The following SHD variants were observed in gnomAD, a reference collection of about 807,000 sequenced individuals.
The protein encoded by SHD is SH2 domain-containing adapter protein D.
Under a neutral mutation model 31.2 loss-of-function variants are expected in SHD, and 29 were observed. That is an observed-to-expected ratio of 0.93 (90% confidence interval 0.69 to 1.27). The LOEUF is 1.27. Among genes scored for constraint, SHD ranks in the 50% most tolerant of loss-of-function variants. SHD has a pLI of 0.00. For missense variants in SHD, 520 were observed against 453.8 expected (o/e 1.15, Z -1.33); for synonymous variants, 208 against 187.8 (o/e 1.11, Z -0.88).
chr19:4,289,027 C>T (rs1971348566), intron 5 of SHD, among the ~76,000 whole-genome samples: 1 of 151,740 alleles, frequency 6.6e-6, no homozygotes, highest in African/African-American at 2.4e-5. Context: ...TTCCAGCTAC[C>T]TCGGAGGCTG....
intron 4 of SHD, 151 bp downstream of exon 4, chr19:4,285,055 G>T: frequency 2.9e-6 from 3 of 1,020,134 alleles, no homozygotes; most frequent in African/African-American, 3.3e-5. Context: ...ATCTTTACGG[G>T]CTCCAGAGCC....
rs543912262 is a variant in SHD at position 4,286,181 on chromosome 19, C to T, written c.716+1277C>T. Among the ~76,000 whole-genome samples the T allele has an allele frequency of 1.4e-4, 22 of 151,914 alleles. No individual in the cohort carries two copies. The South Asian group carries it at 4.4e-3, about 30-fold the overall frequency. On this transcript the variant is annotated intron_variant, in intron 4 of 5. Transcript: ENST00000543264. ...TGTTGGGATGACAGCCATGAGCCAC[C>T]GCACCTGGCCCGCTCTTTCTTTTTC...
Position 4,279,990 on chromosome 19 carries a change from TGGGGAAAGGGGCCC to T in SHD, c.-71_-58del. 6.8e-7 allele frequency: 1 copy of T among 1,460,838 alleles called. No individual in the cohort carries two copies. Among genetic ancestry groups the T allele is most frequent in the South Asian group, 1.4e-5 (1 of 70,836 alleles). 90.5% of individuals were successfully genotyped at this position (1,460,838 alleles called of 1,614,324 possible). A position where few individuals can be genotyped will look rare whatever the true frequency, so the allele number is the denominator to read the frequency against. The stretch of plus-strand genomic sequence containing the variant: ...TTCCTCTCCACCTCCTCCTCCTCCT[TGGGGAAAGGGGCCC>T]GGAGAAGGGCATGTGGGGGCCCCTC... On this transcript the variant is annotated 5_prime_UTR_variant, in exon 1 of 6. Coordinates refer to ENST00000543264, the MANE Select transcript of SHD (RefSeq NM_020209.4). This position sits in a 1 kb window ranked among gnomAD's most constrained non-coding sequence, Gnocchi z 7.5.
intron 4 of SHD, among the ~76,000 whole-genome samples, chr19:4,287,117 A>G (rs1314044552): frequency 6.6e-6 from 1 of 151,344 alleles, no homozygotes; most frequent in East Asian, 2.0e-4. Flanking sequence ...GCGGATCACA[A>G]GGTTAGAGAT....
chr19:4,289,462 T>G, intron 5 of SHD, among the ~76,000 whole-genome samples: 1 of 151,680 alleles, frequency 6.6e-6, no homozygotes, highest in Non-Finnish European at 1.5e-5. Context: ...GCCAGGCTGG[T>G]CTCAAACTCC....
In SHD at chr19:4,289,103, A is replaced by ATT. The variant is rs71166980; in HGVS notation, c.836+765_836+766dup. The stretch of plus-strand genomic sequence containing the variant: ...CGGCGCATACCACCGTGCCCAGCTA[A>ATT]TTTTTTTTTTTTTTTTTTTTTTTTT... On this transcript the variant is annotated intron_variant, in intron 5 of 5. Transcript: ENST00000543264. 8.9e-3 allele frequency among the ~76,000 whole-genome samples: 689 copies of ATT among 77,356 alleles called. 2 individuals are homozygous for ATT. Among genetic ancestry groups the ATT allele is most frequent in the Non-Finnish European group, 0.01 (455 of 43,526 alleles). The allele number at this position is 77,356 out of a possible 152,430, so 50.7% of individuals were successfully genotyped here.
At chr19:4,287,533 C>T (rs1971333013) in intron 4 of SHD, among the ~76,000 whole-genome samples, 1 of 151,842 alleles carries the variant, frequency 6.6e-6, no homozygotes, top group Non-Finnish European at 1.5e-5. Context: ...GCCTGTAATC[C>T]CAGTACTTTG....
chr19:4,286,202 T>TTTTCTTTC lies in SHD; in HGVS notation c.716+1322_716+1329dup, dbSNP rs148405058. The stretch of plus-strand genomic sequence containing the variant: ...CCACCGCACCTGGCCCGCTCTTTCT[T>TTTTCTTTC]TTTCTTTCTTTCTTTCTTTCTTTCT... On this transcript the variant is annotated intron_variant, in intron 4 of 5. Transcript: ENST00000543264. Among the ~76,000 whole-genome samples the TTTTCTTTC allele has an allele frequency of 1.3e-3, 166 of 124,556 alleles. 2 individuals are homozygous for TTTTCTTTC. Among genetic ancestry groups the TTTTCTTTC allele is most frequent in the Non-Finnish European group, 1.6e-3 (94 of 57,970 alleles). 81.7% of individuals were successfully genotyped at this position (124,556 alleles called of 152,430 possible).
intron 4 of SHD, 97 bp downstream of exon 4, chr19:4,285,001 A>G: frequency 1.5e-6 from 2 of 1,303,486 alleles, no homozygotes; most frequent in Non-Finnish European, 2.0e-6. Context: ...GATTAGAGGA[A>G]CTGGGGGAAC....
chr19:4,290,669 C>T lies in SHD; in HGVS notation c.*36C>T. ...CGGCCCCCTTTTGAGTCCTCGGGCC[C>T]AGAATCGTATCCCAAAGCCCTCCCA... is the stretch of plus-strand genomic sequence containing the variant. On this transcript the variant is annotated 3_prime_UTR_variant, in exon 6 of 6. Transcript: ENST00000543264. The T allele has an allele frequency of 6.5e-7, 1 of 1,544,016 alleles. No individual in the cohort carries two copies. Among genetic ancestry groups the T allele is most frequent in the Non-Finnish European group, 8.7e-7 (1 of 1,143,132 alleles).
intron 4 of SHD, among the ~76,000 whole-genome samples, chr19:4,287,249 G>A (rs1298222061): frequency 2.0e-5 from 3 of 151,130 alleles, no homozygotes; most frequent in African/African-American, 4.9e-5. Context: ...GGAGAATGGC[G>A]TGAACCGGGG....
In SHD at chr19:4,281,980, T is replaced by G. The variant is rs180756523; in HGVS notation, c.298-890T>G. ...AACACAGGTAAATCCTTGACAATAG[T>G]GCACGGAGAAGCACTGAAGTGGGCG... On this transcript the variant is annotated intron_variant, in intron 1 of 5. Transcript: ENST00000543264. 5.9e-5 allele frequency among the ~76,000 whole-genome samples: 9 copies of G among 152,262 alleles called. No homozygotes were observed. The East Asian group carries it at 1.7e-3, about 29-fold the overall frequency.
intron 1 of SHD, among the ~76,000 whole-genome samples, chr19:4,280,650 C>T (rs1411431333): frequency 6.6e-6 from 1 of 152,074 alleles, no homozygotes; most frequent in Admixed American, 6.6e-5. Flanking sequence ...GCCTCAGCCT[C>T]TCCAGTAGCT....
rs1599512884 is a variant in SHD at position 4,284,121 on chromosome 19, T to C, written c.593-660T>C. 4.0e-5 allele frequency among the ~76,000 whole-genome samples: 6 copies of C among 151,610 alleles called. No homozygotes were observed. The South Asian group carries it at 1.3e-3, about 32-fold the overall frequency. On this transcript the variant is annotated intron_variant, in intron 3 of 5. Transcript: ENST00000543264. ...GAGTTCGAGACCAGCCTGACCAACATGGAGAAACCCCGTCTTACTAAAAAT... is the reference window on the plus strand; with the variant it reads ...GAGTTCGAGACCAGCCTGACCAACACGGAGAAACCCCGTCTTACTAAAAAT...
chr19:4,290,450 C>A lies in SHD; in HGVS notation c.840C>A (p.Ser280Arg), dbSNP rs201098460. Residue 280 changes from serine (S) to arginine (R), a missense_variant, in exon 6 of 6, where the codon AGC becomes AGA. Physicochemically the swap from Ser to Arg is moderately radical, Grantham distance 110 (BLOSUM62 -1). Coordinates refer to ENST00000543264, the MANE Select transcript of SHD (RefSeq NM_020209.4). ...NPQDCSLSLRSSQGFLHLKFA... is the reference protein window; with the variant it reads ...NPQDCSLSLRRSQGFLHLKFA... ...CCCTTTCTCCCTCATCGCCCAGGAG[C>A]AGCCAGGGCTTCCTGCATCTGAAGT... The A allele has an allele frequency of 6.8e-6, 11 of 1,609,690 alleles. No individual in the cohort carries two copies. The East Asian group carries it at 2.5e-4, about 36-fold the overall frequency.
intron 5 of SHD, 24 bp from the exon 6 acceptor site, chr19:4,290,423 G>A (rs1227903225): frequency 6.3e-7 from 1 of 1,597,874 alleles, no homozygotes; most frequent in South Asian, 1.1e-5. Flanking sequence ...ATGCTCAGGA[G>A]TCCCTTTCTC....
rs111268424 is a variant in SHD, at chr19:4,290,588, C to T, written c.978C>T (p.Ala326=). Residue 326 remains alanine (A), a synonymous_variant, in exon 6 of 6, where the codon GCC becomes GCT. Coordinates refer to ENST00000543264, the MANE Select transcript of SHD (RefSeq NM_020209.4). ...CACGCCCACTGCCGGTGCAGGGTGC[C>T]GAGCATCTGGCTCTGCTGTACCCCG... is the stretch of plus-strand genomic sequence containing the variant. ...YSSRPLPVQG[A]EHLALLYPVV... 23 of 1,613,236 alleles carry T rather than the reference C, an allele frequency of 1.4e-5. No individual in the cohort carries two copies. The highest frequency in any genetic ancestry group is 3.3e-5 in the Admixed American group (2 of 59,944).
At position 4,284,850 on chromosome 19, in the gene SHD, G is replaced by A. The variant is rs1385347775; in HGVS notation, c.662G>A (p.Arg221Lys). Residue 221 changes from arginine (R) to lysine (K), a missense_variant, in exon 4 of 6, where the codon AGA (arginine) becomes AAA (lysine). Transcript: ENST00000543264. ...SAKELRRPPPRSPQPAERVDP... is the reference protein window; with the variant it reads ...SAKELRRPPPKSPQPAERVDP... ...AAGGAGCTCCGGAGACCTCCGCCCAGAAGCCCCCAGCCTGCGGAGCGTGTG... is the reference window on the plus strand; with the variant it reads ...AAGGAGCTCCGGAGACCTCCGCCCAAAAGCCCCCAGCCTGCGGAGCGTGTG... 6.2e-7 allele frequency: 1 copy of A among 1,612,978 alleles called. No homozygotes were observed. Among genetic ancestry groups the A allele is most frequent in the Non-Finnish European group, 8.5e-7 (1 of 1,179,612 alleles).
At chr19:4,287,389 T>C (rs140362944) in intron 4 of SHD, among the ~76,000 whole-genome samples, 1 of 151,176 alleles carries the variant, frequency 6.6e-6, no homozygotes. Flanking sequence ...AGGTACAAGA[T>C]GAAGCACCAC....
Sources: allele counts gnomAD v4.1 joint callset (sites outside exome capture counted in the v4.1 genomes callset), GRCh38; gene constraint gnomAD v4.1.1; non-coding constraint Gnocchi (gnomAD v3.1); transcripts MANE v1.5; gene names NCBI Gene and HGNC (gene_info 2026-07-23, HGNC 2026-07-21).